DENND4A: variants seen among roughly 807,000 people sequenced by gnomAD.
DENND4A encodes the protein C-myc promoter-binding protein.
DENND4A carries 70 observed loss-of-function variants against 199.3 expected under a neutral mutation model. The observed-to-expected ratio is 0.35, with a 90% CI of 0.29 to 0.43. The LOEUF is 0.43. Ranked by LOEUF, DENND4A falls within the 20% of genes least tolerant of loss-of-function variation. DENND4A has a pLI of 1.00. For missense variants in DENND4A, 1,723 were observed against 2,255.8 expected (o/e 0.76, Z 4.78); for synonymous variants, 686 against 766.9 (o/e 0.89, Z 1.74).
intron 14 of DENND4A, among the ~76,000 whole-genome samples, chr15:65,712,263 G>T (rs999725366): frequency 1.3e-5 from 2 of 152,244 alleles, no homozygotes; most frequent in South Asian, 4.1e-4. Context: ...CTCTGAATGT[G>T]TTCCTGTTCA....
Position 65,702,378 on chromosome 15 carries a change from T to C in DENND4A, c.2357A>G (p.Lys786Arg), listed in dbSNP as rs903536057. ...LPAYVKVCHS[K>R]VRALKTAYDV... is the part of the protein sequence containing the mutation. ...ATATGCTGTTTTCAGAGCCCTGACTTTTGAATGACAGACTTTCACATAAGC... is the reference window on the plus strand; with the variant it reads ...ATATGCTGTTTTCAGAGCCCTGACTCTTGAATGACAGACTTTCACATAAGC... Residue 786 changes from lysine to arginine, a missense_variant, in exon 17 of 33, where the codon AAA becomes AGA. Around this residue, in one of 6 missense-constraint regions of DENND4A, gnomAD observed 725 missense variants for 952.9 expected, o/e 0.76. Coordinates refer to ENST00000443035, the MANE Select transcript of DENND4A (RefSeq NM_001320835.1). 6.4e-7 allele frequency: 1 copy of C among 1,557,238 alleles called. No homozygotes were observed. The highest frequency in any genetic ancestry group is 8.7e-7 in the Non-Finnish European group (1 of 1,150,180).
intron 4 of DENND4A, among the ~76,000 whole-genome samples, chr15:65,747,297 A>G (rs1310141380): frequency 6.6e-6 from 1 of 152,212 alleles, no homozygotes; most frequent in African/African-American, 2.4e-5. Context: ...TACTGTAATT[A>G]TGTTCTAATA....
intron 27 of DENND4A, among the ~76,000 whole-genome samples, chr15:65,669,177 C>T (rs1043000404): frequency 2.6e-5 from 4 of 152,194 alleles, no homozygotes; most frequent in African/African-American, 7.2e-5. Context: ...ACACAGGTCA[C>T]GTTAGCCTGC....
At chr15:65,677,828 G>A (rs769822508) in intron 23 of DENND4A, among the ~76,000 whole-genome samples, 2 of 151,132 alleles carry the variant, frequency 1.3e-5, no homozygotes, top group Admixed American at 1.3e-4. Context: ...CATTCCACTG[G>A]TCCATTTATC....
At chr15:65,769,893 A>T (rs2077086578) in intron 1 of DENND4A, among the ~76,000 whole-genome samples, 1 of 152,156 alleles carries the variant, frequency 6.6e-6, no homozygotes, top group Non-Finnish European at 1.5e-5. Flanking sequence ...GAAGACCAGA[A>T]ATCAAATAGT....
Position 65,690,644 on chromosome 15 carries a change from T to C in DENND4A, c.3950A>G (p.Glu1317Gly). The C allele has an allele frequency of 1.2e-6, 2 of 1,613,804 alleles. No individual in the cohort carries two copies. The highest frequency in any genetic ancestry group is 8.5e-7 in the Non-Finnish European group (1 of 1,179,808). Residue 1317 changes from glutamate to glycine, a missense_variant, in exon 23 of 33, where the codon GAG (glutamate) becomes GGG (glycine). By Grantham distance (98) the Glu-to-Gly change is moderately conservative. Around this residue, in one of 6 missense-constraint regions of DENND4A, gnomAD observed 650 missense variants for 738.1 expected, o/e 0.88. Coordinates refer to ENST00000443035, the MANE Select transcript of DENND4A (RefSeq NM_001320835.1). ...AGACCAAAGTCTATCCCTTGGTTTC[T>C]CCTCACTTTTTGTGTAACTTTTAGA... ...TKSKSYTKSE[E>G]KPRDRLWSSP...
Position 65,737,779 on chromosome 15 carries a change from T to C in DENND4A, c.968A>G (p.Asp323Gly). 6.3e-7 allele frequency: 1 copy of C among 1,594,324 alleles called. No individual in the cohort carries two copies. Among genetic ancestry groups the C allele is most frequent in the South Asian group, 1.1e-5 (1 of 87,598 alleles). The change falls in exon 7 of 33, where the codon GAT (aspartate) becomes GGT (glycine). Residue 323 changes from aspartate (D) to glycine (G), a missense_variant. By Grantham distance (94) the Asp-to-Gly change is moderately conservative (BLOSUM62 -1). This residue lies in a region of DENND4A where 725 missense variants were observed against 952.9 expected (regional missense o/e 0.76). Transcript: ENST00000443035. The part of the protein sequence containing the change: ...ICLLSHWPFF[D>G]AFRKFLTFLY... ...AAAAGTCAGAAACTTCCTGAATGCA[T>C]CAAAAAAAGGCCAGTGAGAAAGAAG...
At chr15:65,772,071 C>A in intron 1 of DENND4A, 1 of 1,214,332 alleles carries the variant, frequency 8.2e-7, no homozygotes, top group Non-Finnish European at 1.2e-6. Context: ...GGCCTTCTCG[C>A]GGTTGCCAGC....
At position 65,663,196 on chromosome 15, in the gene DENND4A, ATATT is replaced by A. The variant is rs1179525051; in HGVS notation, c.5587+1130_5587+1133del. Among the ~76,000 whole-genome samples, 61 of 117,104 alleles carry A rather than the reference ATATT, an allele frequency of 5.2e-4. 1 individual carries two copies. Among genetic ancestry groups the A allele is most frequent in the African/African-American group, 2.1e-3 (59 of 28,574 alleles). The allele number at this position is 117,104 out of a possible 152,430, so 76.8% of individuals were successfully genotyped here. On this transcript the variant is annotated intron_variant, in intron 32 of 32. Coordinates refer to ENST00000443035, the MANE Select transcript of DENND4A (RefSeq NM_001320835.1). ...TGTGTGTATATATATATATATATAT[ATATT>A]TTTTTTTTTTTATTTTTTTTTTTGG...
chr15:65,661,813 T>C lies in DENND4A; in HGVS notation c.*38A>G, dbSNP rs1423131553. 3 of 1,546,092 alleles carry C rather than the reference T, an allele frequency of 1.9e-6. No homozygotes were observed. Among genetic ancestry groups the C allele is most frequent in the Non-Finnish European group, 2.6e-6 (3 of 1,138,196 alleles). ...AAAGTGTTATTTTATACACTGACTA[T>C]ACAATATACATTGAATGTTTACACA... is the stretch of plus-strand genomic sequence containing the variant. On this transcript the variant is annotated 3_prime_UTR_variant, in exon 33 of 33. Transcript: ENST00000443035.
rs530662692 is a variant in DENND4A, at chr15:65,668,305, C to G, written c.4788-182G>C. ...CTCACTGCAACTTCTGTCACCTAGGCTCAAGCGATCCTCCCACCTCAGCCT... is the reference window on the plus strand; with the variant it reads ...CTCACTGCAACTTCTGTCACCTAGGGTCAAGCGATCCTCCCACCTCAGCCT... On this transcript the variant is annotated intron_variant, in intron 27 of 32. Transcript: ENST00000443035. 1.4e-4 allele frequency among the ~76,000 whole-genome samples: 22 copies of G among 151,760 alleles called. No homozygotes were observed. The East Asian group carries it at 4.1e-3, about 28-fold the overall frequency.
intron 1 of DENND4A, among the ~76,000 whole-genome samples, chr15:65,788,418 TC>T (rs1448356511): frequency 6.6e-6 from 1 of 152,184 alleles, no homozygotes; most frequent in African/African-American, 2.4e-5. Context: ...ACAAGCTGTG[TC>T]TATTATTGTG....
At chr15:65,771,570 A>G in intron 1 of DENND4A, 1 of 1,612,794 alleles carries the variant, frequency 6.2e-7, no homozygotes, top group Non-Finnish European at 8.5e-7. Flanking sequence ...ATAAACACAG[A>G]AAAACCTCCA....
chr15:65,697,651 C>T (rs939690821), intron 20 of DENND4A, among the ~76,000 whole-genome samples: 1 of 152,150 alleles, frequency 6.6e-6, no homozygotes, highest in African/African-American at 2.4e-5. Context: ...CATACATTCA[C>T]ACTACTATAT....
chr15:65,728,928 G>A, intron 11 of DENND4A, 144 bp downstream of exon 11: 1 of 820,706 alleles, frequency 1.2e-6, no homozygotes, highest in Non-Finnish European at 2.0e-6. Context: ...AATAAGGTCT[G>A]ATTCAAAGAC....
chr15:65,692,929 A>T (rs2077021589), intron 22 of DENND4A, among the ~76,000 whole-genome samples: 1 of 152,162 alleles, frequency 6.6e-6, no homozygotes, highest in Admixed American at 6.6e-5. Flanking sequence ...CAATGAGCCA[A>T]ATCTAGCCTG....
chr15:65,667,366 C>A (rs1162155630), intron 29 of DENND4A, 83 bp downstream of exon 29: 2 of 1,430,572 alleles, frequency 1.4e-6, no homozygotes, highest in African/African-American at 1.4e-5. Flanking sequence ...TAAAAACAGA[C>A]CTTACTTTTT....
At chr15:65,778,586 T>G (rs532421443) in intron 1 of DENND4A, among the ~76,000 whole-genome samples, 1 of 152,248 alleles carries the variant, frequency 6.6e-6, no homozygotes, top group African/African-American at 2.4e-5. Flanking sequence ...AATTTTTTGG[T>G]TTCCTAGTGC....
intron 4 of DENND4A, among the ~76,000 whole-genome samples, chr15:65,743,438 C>T (rs1351155792): frequency 6.6e-6 from 1 of 152,114 alleles, no homozygotes; most frequent in Non-Finnish European, 1.5e-5. Context: ...TGATTAACTT[C>T]CTTACTGCCT....
Sources: allele counts gnomAD v4.1 joint callset (sites outside exome capture counted in the v4.1 genomes callset), GRCh38; gene constraint gnomAD v4.1.1; regional missense constraint gnomAD v4.1.1; transcripts MANE v1.5; gene names NCBI Gene and HGNC (gene_info 2026-07-23, HGNC 2026-07-21).